CARS1: variants seen among roughly 807,000 people sequenced by gnomAD.
CARS1 encodes cysteine--tRNA ligase, cytoplasmic.
In CARS1, 48 loss-of-function variants were observed where a neutral mutation model predicts 106.2. The observed-to-expected ratio is 0.45, with a 90% CI of 0.36 to 0.57. CARS1 has a LOEUF of 0.57. CARS1 is among the 20% of genes least tolerant of loss of function. The probability of loss-of-function intolerance (pLI) is 0.00; values close to 1 mark genes in which losing one functional copy is unlikely to be tolerated. For missense variants in CARS1, 968 were observed against 1,057.2 expected (o/e 0.92, Z 1.17); for synonymous variants, 409 against 403.4 (o/e 1.01, Z -0.17).
rs1003965720 is a variant in CARS1 at position 3,053,160 on chromosome 11, G to A, written c.25+4183C>T. Among the ~76,000 whole-genome samples, 3 of 152,244 alleles carry A rather than the reference G, an allele frequency of 2.0e-5. No individual in the cohort carries two copies. The highest frequency in any genetic ancestry group is 2.9e-5 in the Non-Finnish European group (2 of 68,044). On this transcript the variant is annotated intron_variant, in intron 1 of 22. Transcript: ENST00000380525. The surrounding 1 kb of genome is among the most constrained non-coding windows in gnomAD (Gnocchi z 6.6). ...CAACCCTGACACGTCAAACAACTGT[G>A]GCAGTGCGACCTCTCCCTCTCTCTG...
chr11:3,022,490 C>T lies in CARS1; in HGVS notation c.1154-2158G>A, dbSNP rs966532950. On this transcript the variant is annotated intron_variant, in intron 10 of 22. Coordinates refer to ENST00000380525, the MANE Select transcript of CARS1 (RefSeq NM_001014437.3). This position sits in a 1 kb window ranked among gnomAD's most constrained non-coding sequence, Gnocchi z 4.9. The stretch of plus-strand genomic sequence containing the variant: ...CCATTTGTCCACCATACAATTACTA[C>T]GCTTCTTCTACGGCAACCCCTGGTA... Among the ~76,000 whole-genome samples, 4 of 152,288 alleles carry T rather than the reference C, an allele frequency of 2.6e-5. No homozygotes were observed. The highest frequency in any genetic ancestry group is 7.2e-5 in the African/African-American group (3 of 41,554).
At chr11:3,010,328 C>T (rs191095682) in intron 18 of CARS1, among the ~76,000 whole-genome samples, 205 of 152,324 alleles carry the variant, frequency 1.3e-3, no homozygotes, top group African/African-American at 4.7e-3. Flanking sequence ...TTCGATGTCC[C>T]CCAGAAGGCA....
intron 1 of CARS1, among the ~76,000 whole-genome samples, chr11:3,056,972 C>G (rs1856271754): frequency 1.3e-5 from 2 of 152,172 alleles, no homozygotes; most frequent in Non-Finnish European, 2.9e-5. Context: ...TCTGGCAGAC[C>G]CTCACGCAGG....
At chr11:3,012,066 TG>T in intron 18 of CARS1, 128 bp downstream of exon 18, 1 of 817,152 alleles carries the variant, frequency 1.2e-6, no homozygotes, top group Non-Finnish European at 2.1e-6. Flanking sequence ...CAACACCCTG[TG>T]GTGCACGGGG....
At chr11:3,018,121 G>T (rs1851223512) in intron 14 of CARS1, 167 bp from the exon 15 acceptor site, 4 of 625,470 alleles carry the variant, frequency 6.4e-6, no homozygotes, top group Non-Finnish European at 8.4e-6. Context: ...ACAGAAACAT[G>T]CTCTTGCTTT....
chr11:3,039,099 G>A lies in CARS1; in HGVS notation c.651+95C>T. On this transcript the variant is annotated intron_variant, in intron 6 of 22. Coordinates refer to ENST00000380525, the MANE Select transcript of CARS1 (RefSeq NM_001014437.3). This position sits in a 1 kb window ranked among gnomAD's most constrained non-coding sequence, Gnocchi z 5.6. ...AGTAACATACACTTTGTGAAAGCCT[G>A]TGAGACTGACACTACCCTAGGGACA... 1 of 777,260 alleles carries A rather than the reference G, an allele frequency of 1.3e-6. No individual in the cohort carries two copies. The highest frequency in any genetic ancestry group is 2.2e-6 in the Non-Finnish European group (1 of 459,418). The allele number at this position is 777,260 out of a possible 1,614,324, so 48.1% of individuals were successfully genotyped here. A position where few individuals can be genotyped will look rare whatever the true frequency, so the allele number is the denominator to read the frequency against.
chr11:3,055,046 A>T, intron 1 of CARS1: 1 of 687,582 alleles, frequency 1.5e-6, no homozygotes, highest in African/African-American at 1.8e-5. Flanking sequence ...AAAGCTGTAC[A>T]CCCAGTGAGA....
At position 3,017,447 on chromosome 11, in the gene CARS1, A is replaced by T. The variant is rs1228705161; in HGVS notation, c.1728-152T>A. The stretch of plus-strand genomic sequence containing the variant: ...CACCTGAGGTCGGGAGTTCGAGACC[A>T]GCCTGACAAACATGGAGAGACCCCC... On this transcript the variant is annotated intron_variant, in intron 15 of 22. Coordinates refer to ENST00000380525, the MANE Select transcript of CARS1 (RefSeq NM_001014437.3). This position sits in a 1 kb window ranked among gnomAD's most constrained non-coding sequence, Gnocchi z 4.9. 6.3e-6 allele frequency: 4 copies of T among 632,382 alleles called. No individual in the cohort carries two copies. The highest frequency in any genetic ancestry group is 2.8e-5 in the Admixed American group (1 of 35,442). The allele number at this position is 632,382 out of a possible 1,614,324, so 39.2% of individuals were successfully genotyped here.
chr11:3,053,965 C>T lies in CARS1; in HGVS notation c.25+3378G>A, dbSNP rs1481924307. Among the ~76,000 whole-genome samples, 1 of 152,142 alleles carries T rather than the reference C, an allele frequency of 6.6e-6. No homozygotes were observed. Among genetic ancestry groups the T allele is most frequent in the Non-Finnish European group, 1.5e-5 (1 of 68,024 alleles). On this transcript the variant is annotated intron_variant, in intron 1 of 22. Coordinates refer to ENST00000380525, the MANE Select transcript of CARS1 (RefSeq NM_001014437.3). This position sits in a 1 kb window ranked among gnomAD's most constrained non-coding sequence, Gnocchi z 6.6. ...TTCTGCAAATGTTCCCCTGGTCCCA[C>T]CCTCTACAGCTGCTCCTCTTGGGTC...
chr11:3,016,583 T>C (rs1171574371), intron 16 of CARS1, among the ~76,000 whole-genome samples: 2 of 152,216 alleles, frequency 1.3e-5, no homozygotes, highest in East Asian at 3.9e-4. Context: ...AGGAAAGAAA[T>C]AGCTCTGAGT....
intron 1 of CARS1, 143 bp downstream of exon 1, chr11:3,057,200 C>A: frequency 2.7e-6 from 2 of 731,002 alleles, no homozygotes; most frequent in East Asian, 2.8e-5. Context: ...CACTGCCGCC[C>A]CTCAGACCAC....
At position 3,030,351 on chromosome 11, in the gene CARS1, A is replaced by G. The variant is rs1250902303; in HGVS notation, c.802-908T>C. On this transcript the variant is annotated intron_variant, in intron 7 of 22. Transcript: ENST00000380525. The surrounding 1 kb of genome is among the most constrained non-coding windows in gnomAD (Gnocchi z 5.7). ...CCTGCCTACAGCTCCTGAATCAAAC[A>G]GATGTGTTAAATGTATTGCAGGCCT... 6.6e-6 allele frequency: 1 copy of G among 152,272 alleles called. No homozygotes were observed. Among genetic ancestry groups the G allele is most frequent in the African/African-American group, 2.4e-5 (1 of 41,448 alleles). 9.4% of individuals were successfully genotyped at this position (152,272 alleles called of 1,614,324 possible).
intron 7 of CARS1, among the ~76,000 whole-genome samples, chr11:3,033,759 TC>T (rs1341944063): frequency 6.6e-6 from 1 of 152,122 alleles, no homozygotes; most frequent in African/African-American, 2.4e-5. Context: ...CCAAACTGGA[TC>T]TGAGATGGTT....
chr11:3,036,630 C>CA (rs1255940790), intron 7 of CARS1, among the ~76,000 whole-genome samples: 4 of 152,156 alleles, frequency 2.6e-5, no homozygotes, highest in African/African-American at 9.7e-5. Flanking sequence ...CGCAGAATAT[C>CA]AAAAATAGAA....
chr11:3,029,149 T>G lies in CARS1; in HGVS notation c.943-65A>C, dbSNP rs1045906325. On this transcript the variant is annotated intron_variant, in intron 8 of 22. Transcript: ENST00000380525. The surrounding 1 kb of genome is among the most constrained non-coding windows in gnomAD (Gnocchi z 5.9). ...GAAAACCACGCGCTCCATAAAAACG[T>G]TCCCAATTCATAAAACGAAAAGCCC... The G allele has an allele frequency of 1.2e-5, 17 of 1,444,514 alleles. No homozygotes were observed. Among genetic ancestry groups the G allele is most frequent in the Non-Finnish European group, 1.3e-5 (13 of 1,028,104 alleles). The allele number at this position is 1,444,514 out of a possible 1,614,324, so 89.5% of individuals were successfully genotyped here.
In CARS1 at chr11:3,041,295, C is replaced by T. The variant is rs891832035; in HGVS notation, c.367-311G>A. The stretch of plus-strand genomic sequence containing the variant: ...TGAAATGCTGCTTATTTAACAATAA[C>T]ACAGCTAATATTTACTGAGTACCTA... On this transcript the variant is annotated intron_variant, in intron 3 of 22. Transcript: ENST00000380525. This position sits in a 1 kb window ranked among gnomAD's most constrained non-coding sequence, Gnocchi z 4.9. 5.1e-6 allele frequency: 2 copies of T among 388,452 alleles called. No individual in the cohort carries two copies. The highest frequency in any genetic ancestry group is 2.7e-5 in the South Asian group (1 of 36,730). The allele number at this position is 388,452 out of a possible 1,614,324, so 24.1% of individuals were successfully genotyped here. A position where few individuals can be genotyped will look rare whatever the true frequency, so the allele number is the denominator to read the frequency against.
chr11:3,055,660 A>G (rs1856130740), intron 1 of CARS1, among the ~76,000 whole-genome samples: 1 of 152,264 alleles, frequency 6.6e-6, no homozygotes, highest in South Asian at 2.1e-4. Context: ...AATTCTTACA[A>G]GGCTCTGAAA....
At position 3,034,307 on chromosome 11, in the gene CARS1, G is replaced by A. The variant is rs916108492; in HGVS notation, c.801+3743C>T. Among the ~76,000 whole-genome samples the A allele has an allele frequency of 1.3e-5, 2 of 151,802 alleles. No homozygotes were observed. Among genetic ancestry groups the A allele is most frequent in the African/African-American group, 4.8e-5 (2 of 41,290 alleles). Reference sequence around the variant, plus strand: ...GTGATCTCGGCTCACTGCAACCTCCGCCTCCTGGTTTCAAGCTATTCTCCT... The same window carrying A: ...GTGATCTCGGCTCACTGCAACCTCCACCTCCTGGTTTCAAGCTATTCTCCT... On this transcript the variant is annotated intron_variant, in intron 7 of 22. Transcript: ENST00000380525. The surrounding 1 kb of genome is among the most constrained non-coding windows in gnomAD (Gnocchi z 6.3).
Position 3,020,845 on chromosome 11 carries a change from G to A in CARS1, c.1154-513C>T, listed in dbSNP as rs932679233. Among the ~76,000 whole-genome samples, 4 of 152,226 alleles carry A rather than the reference G, an allele frequency of 2.6e-5. No homozygotes were observed. Among genetic ancestry groups the A allele is most frequent in the Non-Finnish European group, 5.9e-5 (4 of 68,036 alleles). ...GCTGTGTACTACTGCAGGGAACCTG[G>A]TGGCAGTGCAGTGGTGAAGGGGACA... is the stretch of plus-strand genomic sequence containing the variant. On this transcript the variant is annotated intron_variant, in intron 10 of 22. Coordinates refer to ENST00000380525, the MANE Select transcript of CARS1 (RefSeq NM_001014437.3). The surrounding 1 kb of genome is among the most constrained non-coding windows in gnomAD (Gnocchi z 4.6).
Sources: gnomAD v4.1 joint callset for allele counts (sites outside exome capture counted in the v4.1 genomes callset) on GRCh38, gnomAD v4.1.1 for gene constraint, Gnocchi (gnomAD v3.1) non-coding constraint, MANE v1.5 for transcripts, NCBI Gene and HGNC (gene_info 2026-07-23, HGNC 2026-07-21) for gene names.